Variants in ZNF510 observed in about 807,000 individuals in gnomAD.
ZNF510 encodes the protein zinc finger protein 510.
In ZNF510, 15 loss-of-function variants were observed where a neutral mutation model predicts 18.1. The ratio of observed to expected loss-of-function variants is 0.83; its 90% CI spans 0.55 to 1.28. The LOEUF (loss-of-function observed/expected upper bound fraction) is 1.28, where lower values mean the gene tolerates loss of function less well. Ranked by LOEUF, ZNF510 falls within the 50% of genes most tolerant of loss-of-function variation. The pLI is 0.00. For synonymous variants in ZNF510, 261 were observed against 266.4 expected (o/e 0.98, Z 0.20); for missense variants, 724 against 791.8 (o/e 0.91, Z 1.03).
Position 96,757,775 on chromosome 9 carries a change from A to G in ZNF510, c.*1003T>C, listed in dbSNP as rs1478592608. Reference sequence around the variant, plus strand: ...TTATAAATTAAGGACTAATAATGGAATAATTACAACAACATGCCAGAAATG... The same window carrying G: ...TTATAAATTAAGGACTAATAATGGAGTAATTACAACAACATGCCAGAAATG... On this transcript the variant is annotated 3_prime_UTR_variant, in exon 6 of 6. Transcript: ENST00000223428. The G allele has an allele frequency of 6.7e-6, 1 of 150,172 alleles. No individual in the cohort carries two copies. The highest frequency in any genetic ancestry group is 1.5e-5 in the Non-Finnish European group (1 of 68,046). The allele number at this position is 150,172 out of a possible 1,614,324, so 9.3% of individuals were successfully genotyped here.
At chr9:96,771,967 A>G (rs1849593383) in intron 3 of ZNF510, among the ~76,000 whole-genome samples, 1 of 152,190 alleles carries the variant, frequency 6.6e-6, no homozygotes, top group Non-Finnish European at 1.5e-5. Context: ...AAATTGATAA[A>G]ACTTCCATGA....
Position 96,758,848 on chromosome 9 carries a change from T to C in ZNF510, c.1982A>G (p.Tyr661Cys), listed in dbSNP as rs201434842. ...GGTAGACTTCTTACATAATTTCCCA[T>C]ATTCATTGCATTCATAAGATTTCTC... ...SGEKSYECNE[Y>C]GKLCKKSTLS... is the part of the protein sequence containing the mutation. The change falls in exon 6 of 6, where the codon TAT becomes TGT. Residue 661 changes from tyrosine to cysteine, a missense_variant. By Grantham distance (194) the Tyr-to-Cys change is radical. Coordinates refer to ENST00000223428, the MANE Select transcript of ZNF510 (RefSeq NM_014930.3). 3 of 1,613,846 alleles carry C rather than the reference T, an allele frequency of 1.9e-6. No homozygotes were observed. Among genetic ancestry groups the C allele is most frequent in the East Asian group, 2.2e-5 (1 of 44,874 alleles).
intron 3 of ZNF510, among the ~76,000 whole-genome samples, chr9:96,771,638 A>AATT (rs1264167539): frequency 6.6e-6 from 1 of 152,120 alleles, no homozygotes; most frequent in Non-Finnish European, 1.5e-5. Flanking sequence ...GCTAAAAAGA[A>AATT]ATTAAAGATA....
At chr9:96,763,251 T>C (rs1402547077) in intron 4 of ZNF510, 38 bp from the exon 5 acceptor site, 3 of 1,597,276 alleles carry the variant, frequency 1.9e-6, no homozygotes, top group South Asian at 1.1e-5. Flanking sequence ...AGACCAGATA[T>C]ATGAGATTTT....
intron 5 of ZNF510, chr9:96,762,811 C>G (rs1205454301): frequency 4.9e-6 from 1 of 203,210 alleles, no homozygotes; most frequent in Non-Finnish European, 1.0e-5. Context: ...TCTGGGTTGC[C>G]TATCTTTTCC....
At chr9:96,762,166 A>G (rs964086632) in intron 5 of ZNF510, among the ~76,000 whole-genome samples, 6 of 150,678 alleles carry the variant, frequency 4.0e-5, no homozygotes, top group Non-Finnish European at 7.4e-5. Flanking sequence ...TTACTCGTGT[A>G]ACCAAATACC....
At chr9:96,768,359 C>T (rs1849519877) in intron 3 of ZNF510, among the ~76,000 whole-genome samples, 1 of 151,898 alleles carries the variant, frequency 6.6e-6, no homozygotes, top group Non-Finnish European at 1.5e-5. Flanking sequence ...GAAGTTCTAG[C>T]TAGAGGAAAT....
Position 96,756,898 on chromosome 9 carries a change from T to G in ZNF510, c.*1880A>C, listed in dbSNP as rs906350081. On this transcript the variant is annotated 3_prime_UTR_variant, in exon 6 of 6. Coordinates refer to ENST00000223428, the MANE Select transcript of ZNF510 (RefSeq NM_014930.3). ...TATCTTTACATACAATTATTCCTGATTAGAATTCTATGACTTATGCGAATT... is the reference window on the plus strand; with the variant it reads ...TATCTTTACATACAATTATTCCTGAGTAGAATTCTATGACTTATGCGAATT... 2 of 152,248 alleles carry G rather than the reference T, an allele frequency of 1.3e-5. No individual in the cohort carries two copies. The highest frequency in any genetic ancestry group is 2.4e-5 in the African/African-American group (1 of 41,464). The allele number at this position is 152,248 out of a possible 1,614,324, so 9.4% of individuals were successfully genotyped here.
chr9:96,775,990 C>T lies in ZNF510; in HGVS notation c.70+10G>A, dbSNP rs1165574084. 6.2e-7 allele frequency: 1 copy of T among 1,605,966 alleles called. No individual in the cohort carries two copies. Among genetic ancestry groups the T allele is most frequent in the South Asian group, 1.1e-5 (1 of 88,918 alleles). On this transcript the variant is annotated intron_variant, in intron 2 of 5. Coordinates refer to ENST00000223428, the MANE Select transcript of ZNF510 (RefSeq NM_014930.3). ...CTGACAGTCACCCACGCCTCTCAAC[C>T]CCAGCTTACCACCTTCTGCAAGTTG... is the stretch of plus-strand genomic sequence containing the variant.
chr9:96,764,762 T>TTGA (rs1317649802), intron 3 of ZNF510, among the ~76,000 whole-genome samples: 2 of 152,094 alleles, frequency 1.3e-5, no homozygotes, highest in Admixed American at 6.5e-5. Flanking sequence ...CAAAAGATAG[T>TTGA]TGATATGACT....
At chr9:96,764,571 G>A (rs1424730997) in intron 3 of ZNF510, among the ~76,000 whole-genome samples, 1 of 152,098 alleles carries the variant, frequency 6.6e-6, no homozygotes, top group Admixed American at 6.5e-5. Flanking sequence ...CCTTATGATT[G>A]TCAAAACTGA....
intron 5 of ZNF510, among the ~76,000 whole-genome samples, chr9:96,760,799 AAC>A (rs527967047): frequency 1.7e-3 from 261 of 152,284 alleles, no homozygotes; most frequent in African/African-American, 5.7e-3. Flanking sequence ...GAGCAGGAAA[AAC>A]AGAGAATGGG....
At chr9:96,765,311 A>G (rs1489844572) in intron 3 of ZNF510, among the ~76,000 whole-genome samples, 1 of 152,126 alleles carries the variant, frequency 6.6e-6, no homozygotes, top group African/African-American at 2.4e-5. Context: ...CAAAATCAAC[A>G]CTTGCAGTTA....
At chr9:96,777,285 ACT>A (rs1258560856) in intron 1 of ZNF510, among the ~76,000 whole-genome samples, 1 of 152,084 alleles carries the variant, frequency 6.6e-6, no homozygotes, top group Non-Finnish European at 1.5e-5. Context: ...GGGGACAATC[ACT>A]CAGTGCTGTG....
At chr9:96,772,022 G>GACTT (rs1849594831) in intron 3 of ZNF510, among the ~76,000 whole-genome samples, 2 of 152,224 alleles carry the variant, frequency 1.3e-5, no homozygotes, top group East Asian at 3.9e-4. Flanking sequence ...CAAAATTTGT[G>GACTT]ACTTACTATA....
Position 96,776,251 on chromosome 9 carries a change from A to G in ZNF510, c.-176-6T>C. The stretch of plus-strand genomic sequence containing the variant: ...TTCCTGGGGCTCCCTCCTTCCTGCA[A>G]CATAAAGAGCTGCTTTGCTCCAGAG... On this transcript the variant is annotated splice_region_variant and splice_polypyrimidine_tract_variant and intron_variant, in intron 1 of 5. Transcript: ENST00000223428. 1.7e-6 allele frequency: 2 copies of G among 1,204,988 alleles called. No homozygotes were observed. The highest frequency in any genetic ancestry group is 3.0e-5 in the East Asian group (1 of 33,464). 74.6% of individuals were successfully genotyped at this position (1,204,988 alleles called of 1,614,324 possible). A position where few individuals can be genotyped will look rare whatever the true frequency, so the allele number is the denominator to read the frequency against.
chr9:96,762,266 T>C (rs1285338999), intron 5 of ZNF510, among the ~76,000 whole-genome samples: 2 of 150,594 alleles, frequency 1.3e-5, no homozygotes, highest in Non-Finnish European at 2.9e-5. Context: ...TCCCAGCACT[T>C]TGGGAGCCTG....
rs1215207465 is a variant in ZNF510, at chr9:96,758,145, A to C, written c.*633T>G. The C allele has an allele frequency of 6.6e-6, 1 of 152,250 alleles. No individual in the cohort carries two copies. Among genetic ancestry groups the C allele is most frequent in the Non-Finnish European group, 1.5e-5 (1 of 68,060 alleles). 9.4% of individuals were successfully genotyped at this position (152,250 alleles called of 1,614,324 possible). A position where few individuals can be genotyped will look rare whatever the true frequency, so the allele number is the denominator to read the frequency against. On this transcript the variant is annotated 3_prime_UTR_variant, in exon 6 of 6. Coordinates refer to ENST00000223428, the MANE Select transcript of ZNF510 (RefSeq NM_014930.3). The stretch of plus-strand genomic sequence containing the variant: ...AAGGGGGGACTACTGTATAAGCTTA[A>C]ATTTTGCTCACATAATGTTCAACTG...
chr9:96,774,623 C>T (rs565057118), intron 3 of ZNF510, among the ~76,000 whole-genome samples, 165 bp downstream of exon 3: 10 of 152,340 alleles, frequency 6.6e-5, no homozygotes, highest in African/African-American at 2.4e-4. Flanking sequence ...TCTGTAACAT[C>T]AGGCGACCTC....
Sources: allele counts gnomAD v4.1 joint callset (sites outside exome capture counted in the v4.1 genomes callset), GRCh38; gene constraint gnomAD v4.1.1; transcripts MANE v1.5; gene names NCBI Gene and HGNC (gene_info 2026-07-23, HGNC 2026-07-21).